LRRC4C: variants seen among roughly 807,000 people sequenced by gnomAD.
The protein encoded by LRRC4C is leucine rich repeat containing 4C, also known as leucine-rich repeat-containing protein 4C.
LRRC4C carries 5 observed loss-of-function variants against 33.6 expected under a neutral mutation model. That is an observed-to-expected ratio of 0.15 (90% CI 0.08 to 0.31). The LOEUF (loss-of-function observed/expected upper bound fraction) is 0.31, where lower values mean the gene tolerates loss of function less well. Ranked by LOEUF, LRRC4C falls within the 10% of genes least tolerant of loss-of-function variation. The pLI is 1.00. For missense variants in LRRC4C, 560 were observed against 796.7 expected (o/e 0.70, Z 3.58); for synonymous variants, 329 against 302.0 (o/e 1.09, Z -0.93).
intron 1 of LRRC4C, among the ~76,000 whole-genome samples, chr11:41,236,840 G>A (rs1461186301): frequency 1.3e-5 from 2 of 152,200 alleles, no homozygotes; most frequent in African/African-American, 4.8e-5. Flanking sequence ...TAGTTTGTGT[G>A]AAAATTTTAC....
chr11:40,846,020 G>GTT (rs140994322), intron 2 of LRRC4C, among the ~76,000 whole-genome samples: 1 of 142,138 alleles, frequency 7.0e-6, no homozygotes, highest in South Asian at 2.2e-4. Flanking sequence ...ACTTTCTGAT[G>GTT]TTTTTTTTTT....
intron 2 of LRRC4C, among the ~76,000 whole-genome samples, chr11:40,829,274 C>T (rs969792589): frequency 2.0e-5 from 3 of 151,932 alleles, no homozygotes; most frequent in African/African-American, 7.2e-5. Context: ...TTTGAAAACT[C>T]CTTCAGATCA....
At chr11:40,913,336 T>C (rs1393272511) in intron 2 of LRRC4C, among the ~76,000 whole-genome samples, 3 of 152,160 alleles carry the variant, frequency 2.0e-5, no homozygotes, top group African/African-American at 7.2e-5. Flanking sequence ...AAAGAAATTA[T>C]AACAAACTGT....
At chr11:40,751,536 C>A (rs1002665996) in intron 2 of LRRC4C, among the ~76,000 whole-genome samples, 6 of 152,076 alleles carry the variant, frequency 3.9e-5, no homozygotes, top group Middle Eastern at 3.4e-3. Flanking sequence ...CCTAGGAATA[C>A]ATTTAACCAA....
intron 3 of LRRC4C, among the ~76,000 whole-genome samples, chr11:40,385,491 C>T (rs983824858): frequency 7.2e-5 from 11 of 151,962 alleles, no homozygotes; most frequent in African/African-American, 2.2e-4. Flanking sequence ...ATAAACATTG[C>T]GTACACATGG....
At chr11:40,206,203 G>A (rs1261408251) in intron 5 of LRRC4C, among the ~76,000 whole-genome samples, 1 of 151,912 alleles carries the variant, frequency 6.6e-6, no homozygotes, top group African/African-American at 2.4e-5. Flanking sequence ...CAATTTTATA[G>A]GACAGAGAAT....
At chr11:40,186,724 A>C (rs1861431240) in intron 5 of LRRC4C, among the ~76,000 whole-genome samples, 1 of 152,210 alleles carries the variant, frequency 6.6e-6, no homozygotes, top group Non-Finnish European at 1.5e-5. Flanking sequence ...TCGAGTCTGC[A>C]CAATAAAAGC....
chr11:40,596,641 T>C (rs1565542846), intron 3 of LRRC4C, among the ~76,000 whole-genome samples: 1 of 152,062 alleles, frequency 6.6e-6, no homozygotes, highest in Admixed American at 6.6e-5. Flanking sequence ...TAATCATCAT[T>C]CCACTCTATA....
At chr11:41,277,288 G>A (rs552693382) in intron 1 of LRRC4C, among the ~76,000 whole-genome samples, 4 of 152,074 alleles carry the variant, frequency 2.6e-5, no homozygotes, top group Admixed American at 6.6e-5. Flanking sequence ...TCATTCAGGT[G>A]AATTTTCCAT....
chr11:41,438,823 T>C (rs1955523686), intron 1 of LRRC4C, among the ~76,000 whole-genome samples: 1 of 152,166 alleles, frequency 6.6e-6, no homozygotes, highest in Admixed American at 6.6e-5. Flanking sequence ...GGATCACAAG[T>C]AAGGAAACCG....
chr11:40,888,034 A>C (rs1241927411), intron 2 of LRRC4C, among the ~76,000 whole-genome samples: 2 of 151,972 alleles, frequency 1.3e-5, no homozygotes, highest in African/African-American at 4.8e-5. Context: ...TAGTAATCAG[A>C]ATAAGAGCCT....
At chr11:40,530,910 A>G (rs371466422) in intron 3 of LRRC4C, among the ~76,000 whole-genome samples, 15 of 152,114 alleles carry the variant, frequency 9.9e-5, no homozygotes, top group African/African-American at 3.6e-4. Context: ...TCCCGATTCT[A>G]CTGTTTTTTA....
chr11:40,857,883 C>T (rs1953867011), intron 2 of LRRC4C, among the ~76,000 whole-genome samples: 1 of 150,414 alleles, frequency 6.6e-6, no homozygotes, highest in African/African-American at 2.5e-5. Flanking sequence ...CCACAGCACT[C>T]CAGCCTGGGT....
At chr11:40,665,352 A>G (rs1591410837) in intron 2 of LRRC4C, among the ~76,000 whole-genome samples, 2 of 17,554 alleles carry the variant, frequency 1.1e-4, no homozygotes, top group Admixed American at 7.7e-4. Flanking sequence ...ATATATATAT[A>G]TATATATATA....
chr11:41,250,003 A>G (rs955834850), intron 1 of LRRC4C, among the ~76,000 whole-genome samples: 2 of 149,368 alleles, frequency 1.3e-5, no homozygotes, highest in African/African-American at 4.9e-5. Context: ...ATCTCTACTA[A>G]AAAAAAAAAT....
At chr11:40,419,862 A>G (rs1950459662) in intron 3 of LRRC4C, among the ~76,000 whole-genome samples, 1 of 152,206 alleles carries the variant, frequency 6.6e-6, no homozygotes, top group Non-Finnish European at 1.5e-5. Flanking sequence ...ATTGTTCCTT[A>G]CAGGAAGTGA....
intron 1 of LRRC4C, among the ~76,000 whole-genome samples, chr11:41,346,130 C>T (rs978958632): frequency 6.6e-6 from 1 of 152,024 alleles, no homozygotes; most frequent in Non-Finnish European, 1.5e-5. Context: ...TATATCAGGC[C>T]CCAAGGGAGT....
intron 1 of LRRC4C, among the ~76,000 whole-genome samples, chr11:41,363,686 T>A (rs184594367): frequency 6.6e-6 from 1 of 152,178 alleles, no homozygotes; most frequent in Non-Finnish European, 1.5e-5. Context: ...AAATTAGATA[T>A]TTTTTGGCAT....
At position 40,114,758 on chromosome 11, in the gene LRRC4C, A is replaced by G. The variant is rs1351544182; in HGVS notation, c.1535T>C (p.Ile512Thr). ...ATCAATTCCTGGGATCCCACTGTTT[A>G]TATCAGTCACTGGGATGGTGAAGGT... ...EKTFTIPVTD[I>T]NSGIPGIDEV... The change falls in exon 7 of 7, where the codon ATA becomes ACA. Residue 512 changes from isoleucine (I) to threonine (T), a missense_variant. Coordinates refer to ENST00000528697, the MANE Select transcript of LRRC4C (RefSeq NM_001258419.2). The G allele has an allele frequency of 1.9e-6, 3 of 1,614,024 alleles. No homozygotes were observed. Among genetic ancestry groups the G allele is most frequent in the East Asian group, 2.2e-5 (1 of 44,890 alleles).
Sources: allele counts gnomAD v4.1 joint callset (sites outside exome capture counted in the v4.1 genomes callset), GRCh38; gene constraint gnomAD v4.1.1; transcripts MANE v1.5; gene names NCBI Gene and HGNC (gene_info 2026-07-23, HGNC 2026-07-21).